The following FAAH2 variants were observed in gnomAD, a reference collection of about 807,000 sequenced individuals.
The protein encoded by FAAH2 is fatty-acid amide hydrolase 2.
A neutral mutation model predicts 36.9 loss-of-function variants in FAAH2; 60 were observed. That is an observed-to-expected ratio of 1.63 (90% CI 1.32 to 2.02). The LOEUF (loss-of-function observed/expected upper bound fraction) is 2.02, where lower values mean the gene tolerates loss of function less well. FAAH2 is among the 30% of genes most tolerant of loss of function. The pLI is 0.00. For missense variants in FAAH2, 689 were observed against 397.5 expected, an observed-to-expected ratio of 1.73 and a Z score of -6.23; for synonymous variants, 214 against 143.8, an observed-to-expected ratio of 1.49 and a Z score of -3.49.
chrX:57,285,086 G>T (rs1407184200), upstream of FAAH2, among the ~76,000 whole-genome samples: 1 of 112,393 alleles, frequency 8.9e-6, no homozygotes, highest in Non-Finnish European at 1.9e-5. Flanking sequence ...GTTTTGCTCA[G>T]AACTGTAATG....
At chrX:57,322,037 T>C (rs1389843583) in intron 3 of FAAH2, among the ~76,000 whole-genome samples, 1 of 53,628 alleles carries the variant, frequency 1.9e-5, no homozygotes, top group African/African-American at 4.1e-5. Context: ...AACTCCAGAT[T>C]GCATTTTTTT....
chrX:57,478,821 G>T (rs2057321829), intron 10 of FAAH2, among the ~76,000 whole-genome samples: 1 of 111,271 alleles, frequency 9.0e-6, no homozygotes, highest in Non-Finnish European at 1.9e-5. Context: ...TATTTCTGAG[G>T]ACTCTGTTCT....
At chrX:57,184,772 A>T in the FAAH2 span, among the ~76,000 whole-genome samples, 1 of 112,386 alleles carries the variant, frequency 8.9e-6, no homozygotes, top group African/African-American at 3.2e-5. Context: ...CACTTGAAGA[A>T]AAAATAACCC....
chrX:57,224,221 T>C, the FAAH2 span, among the ~76,000 whole-genome samples: 50 of 111,794 alleles, frequency 4.5e-4, no homozygotes, highest in African/African-American at 1.6e-3. Context: ...AACACCTTTT[T>C]GTCCTCTGAA....
chrX:57,241,228 A>G, the FAAH2 span, among the ~76,000 whole-genome samples: 1 of 112,469 alleles, frequency 8.9e-6, no homozygotes, highest in Non-Finnish European at 1.9e-5. Flanking sequence ...GTAAATGTAA[A>G]ACCAAAAACT....
rs532350116 is a variant in FAAH2, at chrX:57,372,794, G to A, written c.743-5857G>A. Among the ~76,000 whole-genome samples the A allele has an allele frequency of 1.0e-4, 11 of 110,182 alleles. No individual in the cohort carries two copies. The South Asian group carries it at 4.3e-3, about 43-fold the overall frequency. ...GGTTACATAAATAAGTTTTTTAGTG[G>A]TGATTTCTGAGATTTTGGTGCACCC... On this transcript the variant is annotated intron_variant, in intron 5 of 10. Transcript: ENST00000374900.
chrX:57,434,209 G>A (rs1344337319), intron 8 of FAAH2, among the ~76,000 whole-genome samples: 1 of 107,023 alleles, frequency 9.3e-6, no homozygotes, highest in African/African-American at 3.4e-5. Context: ...CTGAATAGCT[G>A]GGGCTACAAG....
chrX:57,356,817 T>C (rs2054168401), intron 5 of FAAH2, among the ~76,000 whole-genome samples: 1 of 110,995 alleles, frequency 9.0e-6, no homozygotes, highest in South Asian at 3.7e-4. Context: ...TACGTTAAGT[T>C]CTGGGATACA....
chrX:57,157,014 G>A, the FAAH2 span, among the ~76,000 whole-genome samples: 55 of 112,376 alleles, frequency 4.9e-4, 1 homozygote, highest in African/African-American at 1.6e-3. Context: ...TGCCTTCTTC[G>A]TCAGGGTGGG....
Position 57,378,632 on chromosome X carries a change from T to G in FAAH2, c.743-19T>G. The G allele has an allele frequency of 8.3e-7, 1 of 1,209,944 alleles. No homozygotes were observed. Among genetic ancestry groups the G allele is most frequent in the South Asian group, 1.8e-5 (1 of 56,847 alleles). On this transcript the variant is annotated intron_variant, in intron 5 of 10. Coordinates refer to ENST00000374900, the MANE Select transcript of FAAH2 (RefSeq NM_174912.4). ...CATGTCTTATTTTGGGCGGCTAACC[T>G]GACTGTCTATCCTTTCAGGTGTGGT...
At chrX:57,153,354 C>T in the FAAH2 span, among the ~76,000 whole-genome samples, 1 of 111,924 alleles carries the variant, frequency 8.9e-6, no homozygotes, top group East Asian at 2.8e-4. Context: ...AACATTTAGG[C>T]CATTTATATT....
chrX:57,214,056 T>C, the FAAH2 span, among the ~76,000 whole-genome samples: 1 of 111,790 alleles, frequency 8.9e-6, no homozygotes, highest in South Asian at 3.7e-4. Context: ...ATTATATAAT[T>C]GTGTTATTTG....
chrX:57,151,958 G>T, the FAAH2 span, among the ~76,000 whole-genome samples: 1 of 111,706 alleles, frequency 9.0e-6, no homozygotes, highest in African/African-American at 3.3e-5. Context: ...CTTTCTGTTT[G>T]TTAGTTTTCC....
At chrX:57,216,582 GTATA>G in the FAAH2 span, among the ~76,000 whole-genome samples, 2 of 11,812 alleles carry the variant, frequency 1.7e-4, no homozygotes, top group African/African-American at 5.7e-4. Flanking sequence ...GTATATATAT[GTATA>G]TGTATATATA....
the FAAH2 span, among the ~76,000 whole-genome samples, chrX:57,161,719 C>A: frequency 7.2e-5 from 8 of 111,495 alleles, no homozygotes; most frequent in African/African-American, 2.6e-4. Flanking sequence ...CTTGGTAGAT[C>A]TTCCCCCATC....
At chrX:57,463,859 T>C (rs1010736733) in intron 10 of FAAH2, among the ~76,000 whole-genome samples, 2 of 111,631 alleles carry the variant, frequency 1.8e-5, no homozygotes, top group African/African-American at 6.5e-5. Context: ...CCCTCAAGGA[T>C]CTAGAACAAG....
rs779519496 is a variant in FAAH2, at chrX:57,488,479, GC to G, written c.1424-277del. Among the ~76,000 whole-genome samples the G allele has an allele frequency of 4.6e-3, 510 of 111,250 alleles. 1 individual carries two copies. The highest frequency in any genetic ancestry group is 0.015 in the African/African-American group (471 of 30,754). ...TTTCTGCATTCAGATTTCAATTACA[GC>G]TTTTGCTAGCCAAGTGATCTTGGAT... On this transcript the variant is annotated intron_variant, in intron 10 of 10. Transcript: ENST00000374900.
the FAAH2 span, among the ~76,000 whole-genome samples, chrX:57,257,183 C>A: frequency 1.8e-5 from 2 of 112,076 alleles, no homozygotes; most frequent in South Asian, 7.4e-4. Context: ...TTAGCAATCC[C>A]ATTATTTGGC....
chrX:57,216,476 G>T, the FAAH2 span, among the ~76,000 whole-genome samples: 1 of 69,833 alleles, frequency 1.4e-5, no homozygotes, highest in Non-Finnish European at 2.9e-5. Context: ...TGGCTTAGTA[G>T]TATTCTATTA....
Sources: allele counts gnomAD v4.1 joint callset (sites outside exome capture counted in the v4.1 genomes callset), GRCh38; gene constraint gnomAD v4.1.1; transcripts MANE v1.5; gene names NCBI Gene and HGNC (gene_info 2026-07-23, HGNC 2026-07-21).